The following ADCY8 variants were observed in gnomAD, a reference collection of about 807,000 sequenced individuals.
ADCY8 encodes adenylate cyclase type 8.
A neutral mutation model predicts 119.7 loss-of-function variants in ADCY8; 51 were observed. The observed-to-expected ratio is 0.43, with a 90% CI of 0.34 to 0.54. The LOEUF is 0.54. Among genes scored for constraint, ADCY8 ranks in the 20% least tolerant of loss-of-function variants. The probability of loss-of-function intolerance (pLI) is 0.03; values close to 1 mark genes in which losing one functional copy is unlikely to be tolerated. For synonymous variants in ADCY8, 665 were observed against 651.0 expected, an observed-to-expected ratio of 1.02 and a Z score of -0.33; for missense variants, 1,383 against 1,598.8, an observed-to-expected ratio of 0.87 and a Z score of 2.30.
At chr8:130,868,702 CT>C (rs1271813051) in intron 8 of ADCY8, among the ~76,000 whole-genome samples, 1 of 152,160 alleles carries the variant, frequency 6.6e-6, no homozygotes, top group African/African-American at 2.4e-5. Flanking sequence ...GTTTTTAAAA[CT>C]GAAAAAGACC....
chr8:130,799,928 A>G (rs2130108842), intron 15 of ADCY8, among the ~76,000 whole-genome samples: 2 of 119,064 alleles, frequency 1.7e-5, no homozygotes, highest in East Asian at 4.9e-4. Flanking sequence ...GTGCAGCGTG[A>G]GCATTTCCCC....
chr8:130,966,446 G>A (rs1178789856), intron 2 of ADCY8, among the ~76,000 whole-genome samples: 1 of 152,180 alleles, frequency 6.6e-6, no homozygotes, highest in Non-Finnish European at 1.5e-5. Flanking sequence ...GCAGAGGGAA[G>A]AAGGGAAGTC....
chr8:130,877,261 T>A (rs1818601403), intron 8 of ADCY8, among the ~76,000 whole-genome samples: 1 of 152,148 alleles, frequency 6.6e-6, no homozygotes, highest in African/African-American at 2.4e-5. Flanking sequence ...CATGCCCAAT[T>A]TTAGGATGGG....
intron 2 of ADCY8, among the ~76,000 whole-genome samples, chr8:130,966,149 A>G (rs1038412435): frequency 6.6e-6 from 1 of 152,222 alleles, no homozygotes; most frequent in East Asian, 1.9e-4. Flanking sequence ...GGAACAAAAG[A>G]GTCTGCATGA....
intron 10 of ADCY8, among the ~76,000 whole-genome samples, chr8:130,848,112 T>C (rs1465473652): frequency 1.3e-5 from 2 of 152,184 alleles, no homozygotes; most frequent in Non-Finnish European, 2.9e-5. Context: ...ATTTTACAAT[T>C]GAAAAATACG....
intron 8 of ADCY8, among the ~76,000 whole-genome samples, chr8:130,879,278 GCT>G (rs1554611480): frequency 2.6e-5 from 4 of 152,064 alleles, no homozygotes; most frequent in Non-Finnish European, 5.9e-5. Context: ...TGTAAAGAAG[GCT>G]CACAAATAAA....
intron 1 of ADCY8, among the ~76,000 whole-genome samples, chr8:131,024,826 A>G (rs1331196162): frequency 6.6e-6 from 1 of 152,218 alleles, no homozygotes; most frequent in Non-Finnish European, 1.5e-5. Flanking sequence ...TATTTGCTAA[A>G]TCATTACTCA....
In ADCY8 at chr8:130,905,791, T is replaced by C. The variant is rs1327278804; in HGVS notation, c.1641-1749A>G. On this transcript the variant is annotated intron_variant, in intron 6 of 17. Transcript: ENST00000286355. ...GGGAAGATCGCTTGAGCCCAGACAG[T>C]TGAAGCTATAGTGAGCCGAGATCAT... 2.6e-5 allele frequency among the ~76,000 whole-genome samples: 4 copies of C among 152,148 alleles called. No individual in the cohort carries two copies. In the East Asian group the frequency reaches 7.7e-4, roughly 29 times the overall value.
chr8:130,785,372 G>C lies in ADCY8; in HGVS notation c.3153+11C>G. On this transcript the variant is annotated intron_variant, in intron 16 of 17. Transcript: ENST00000286355. ...ACCATGCATTGTGGCTGAGTCCAAAGAGTCCTTTACCTGTTTTTCAGGTGA... is the reference window on the plus strand; with the variant it reads ...ACCATGCATTGTGGCTGAGTCCAAACAGTCCTTTACCTGTTTTTCAGGTGA... 1 of 1,594,596 alleles carries C rather than the reference G, an allele frequency of 6.3e-7. No individual in the cohort carries two copies. The highest frequency in any genetic ancestry group is 8.6e-7 in the Non-Finnish European group (1 of 1,169,058).
At chr8:130,812,260 C>T (rs888540526) in intron 14 of ADCY8, among the ~76,000 whole-genome samples, 3 of 148,822 alleles carry the variant, frequency 2.0e-5, no homozygotes, top group African/African-American at 7.6e-5. Context: ...AAATGACCAT[C>T]GCCCATGGAG....
intron 1 of ADCY8, among the ~76,000 whole-genome samples, chr8:131,010,496 T>C (rs936374400): frequency 6.6e-6 from 1 of 151,900 alleles, no homozygotes; most frequent in African/African-American, 2.4e-5. Context: ...CCATTTTAAT[T>C]AAATATTTGG....
intron 4 of ADCY8, among the ~76,000 whole-genome samples, chr8:130,937,956 A>G (rs187189474): frequency 7.9e-4 from 120 of 152,268 alleles, no homozygotes; most frequent in African/African-American, 2.5e-3. Context: ...TGGATTCCCA[A>G]TCTTAAAGAC....
intron 7 of ADCY8, among the ~76,000 whole-genome samples, chr8:130,885,145 T>C (rs1471201214): frequency 6.6e-6 from 1 of 151,576 alleles, no homozygotes; most frequent in East Asian, 1.9e-4. Flanking sequence ...AATGATCATC[T>C]CCAACTGAGT....
At chr8:130,791,774 C>T (rs948060457) in intron 15 of ADCY8, among the ~76,000 whole-genome samples, 4 of 152,148 alleles carry the variant, frequency 2.6e-5, no homozygotes, top group South Asian at 2.1e-4. Flanking sequence ...TAGTGAGGGC[C>T]GAGCCCCACA....
At chr8:130,967,120 A>G (rs1821785668) in intron 2 of ADCY8, among the ~76,000 whole-genome samples, 1 of 152,220 alleles carries the variant, frequency 6.6e-6, no homozygotes, top group Non-Finnish European at 1.5e-5. Flanking sequence ...GGGTTTATAT[A>G]TTAAAGGGTT....
At chr8:130,932,101 G>A (rs1051630591) in intron 5 of ADCY8, among the ~76,000 whole-genome samples, 3 of 152,108 alleles carry the variant, frequency 2.0e-5, no homozygotes, top group Admixed American at 6.6e-5. Context: ...AAAGCACTAC[G>A]GCAGGTGTGG....
At chr8:131,016,839 C>T (rs921707196) in intron 1 of ADCY8, among the ~76,000 whole-genome samples, 33 of 152,104 alleles carry the variant, frequency 2.2e-4, no homozygotes, top group Non-Finnish European at 1.8e-4. Flanking sequence ...ACAGGCCTGA[C>T]TTCTGTTCAA....
intron 5 of ADCY8, among the ~76,000 whole-genome samples, chr8:130,921,701 C>T (rs1820314707): frequency 1.3e-5 from 2 of 152,140 alleles, no homozygotes; most frequent in Admixed American, 1.3e-4. Context: ...GATCTGCCTG[C>T]CTTGGCCTCC....
chr8:131,037,735 AAG>A, intron 1 of ADCY8, among the ~76,000 whole-genome samples: 1 of 152,324 alleles, frequency 6.6e-6, no homozygotes, highest in Non-Finnish European at 1.5e-5. Context: ...AAAAATAAAA[AAG>A]AGAATGAGAG....
Sources: gnomAD v4.1 joint callset for allele counts (sites outside exome capture counted in the v4.1 genomes callset) on GRCh38, gnomAD v4.1.1 for gene constraint, MANE v1.5 for transcripts, NCBI Gene and HGNC (gene_info 2026-07-23, HGNC 2026-07-21) for gene names.